RAPGEF4: variants seen among roughly 807,000 people sequenced by gnomAD.
RAPGEF4 encodes the protein RAP guanine-nucleotide-exchange factor (GEF) 4.
Under a neutral mutation model 147.9 loss-of-function variants are expected in RAPGEF4, and 66 were observed. That is an observed-to-expected ratio of 0.45 (90% CI 0.37 to 0.55). RAPGEF4 has a LOEUF of 0.55. Ranked by LOEUF, RAPGEF4 falls within the 20% of genes least tolerant of loss-of-function variation. The probability of loss-of-function intolerance (pLI) is 0.00; values close to 1 mark genes in which losing one functional copy is unlikely to be tolerated. For synonymous variants in RAPGEF4, 419 were observed against 442.7 expected, an observed-to-expected ratio of 0.95 and a Z score of 0.67; for missense variants, 1,071 against 1,257.3, an observed-to-expected ratio of 0.85 and a Z score of 2.24.
At chr2:172,801,567 C>T (rs190522709) in intron 3 of RAPGEF4, among the ~76,000 whole-genome samples, 1 of 152,254 alleles carries the variant, frequency 6.6e-6, no homozygotes, top group African/African-American at 2.4e-5. Context: ...AGCATTATCC[C>T]ACCAGCACTC....
chr2:172,800,311 T>G (rs1686840898), intron 3 of RAPGEF4, among the ~76,000 whole-genome samples: 1 of 152,160 alleles, frequency 6.6e-6, no homozygotes, highest in Non-Finnish European at 1.5e-5. Flanking sequence ...TCCAGCCAGT[T>G]CTGAAGGTAG....
chr2:172,774,624 G>A (rs2149495111), intron 1 of RAPGEF4, among the ~76,000 whole-genome samples: 1 of 152,308 alleles, frequency 6.6e-6, no homozygotes, highest in African/African-American at 2.4e-5. Context: ...TCTCTATGAA[G>A]CCTTCTCTAC....
At chr2:173,033,887 C>T (rs374224325) in intron 26 of RAPGEF4, 27 bp from the exon 27 acceptor site, 31 of 1,605,646 alleles carry the variant, frequency 1.9e-5, no homozygotes, top group South Asian at 4.4e-5. Context: ...CTGACATATG[C>T]GTGTGGCATT....
At chr2:172,957,037 G>A (rs79640233) in intron 6 of RAPGEF4, among the ~76,000 whole-genome samples, 2 of 152,322 alleles carry the variant, frequency 1.3e-5, no homozygotes, top group Non-Finnish European at 2.9e-5. Flanking sequence ...ACACTGGAGT[G>A]AAATAGACCT....
intron 4 of RAPGEF4, among the ~76,000 whole-genome samples, chr2:172,834,616 T>A (rs1166083646): frequency 6.6e-6 from 1 of 152,236 alleles, no homozygotes; most frequent in African/African-American, 2.4e-5. Context: ...TTTTTCTTCT[T>A]CTTCTTCTTC....
rs1184930392 is a variant in RAPGEF4 at position 172,965,667 on chromosome 2, T to C, written c.804T>C (p.Asp268=). The C allele has an allele frequency of 1.2e-6, 2 of 1,614,050 alleles. No homozygotes were observed. Among genetic ancestry groups the C allele is most frequent in the East Asian group, 2.2e-5 (1 of 44,888 alleles). ...GCATGTGGCAAGTCCTGTTAGAAGA[T>C]GGTGTTCTCAACCACGGTAAGATGA... ...AVGMWQVLLE[D]GVLNHVDQEH... The change falls in exon 9 of 31, where the codon GAT becomes GAC. Residue 268 remains aspartate (D), a synonymous_variant. Coordinates refer to ENST00000397081, the MANE Select transcript of RAPGEF4 (RefSeq NM_007023.4).
intron 3 of RAPGEF4, among the ~76,000 whole-genome samples, chr2:172,803,246 C>T (rs1302557595): frequency 6.6e-6 from 1 of 152,192 alleles, no homozygotes; most frequent in Non-Finnish European, 1.5e-5. Flanking sequence ...TCCATGAAAG[C>T]CCTGCAGCAA....
rs188369195 is a variant in RAPGEF4 at position 172,878,606 on chromosome 2, G to T, written c.445-39196G>T. On this transcript the variant is annotated intron_variant, in intron 4 of 30. Transcript: ENST00000397081. Reference sequence around the variant, plus strand: ...GCCATCAGAACTTTATTCTTTTGGAGAATGAAGGCAGGTAAAGTAGACAGA... The same window carrying T: ...GCCATCAGAACTTTATTCTTTTGGATAATGAAGGCAGGTAAAGTAGACAGA... 8.5e-5 allele frequency among the ~76,000 whole-genome samples: 13 copies of T among 152,272 alleles called. No individual in the cohort carries two copies. In the East Asian group the frequency reaches 2.3e-3, roughly 27 times the overall value.
At chr2:172,966,210 A>G (rs565368836) in intron 9 of RAPGEF4, among the ~76,000 whole-genome samples, 2 of 152,222 alleles carry the variant, frequency 1.3e-5, no homozygotes, top group South Asian at 2.1e-4. Context: ...CTGTAATTGA[A>G]CAGAGTAGCT....
chr2:173,031,915 G>A (rs756278225), intron 26 of RAPGEF4, among the ~76,000 whole-genome samples: 22 of 152,020 alleles, frequency 1.4e-4, no homozygotes, highest in Non-Finnish European at 2.5e-4. Context: ...TGCACTTGCC[G>A]AGAAAACCTC....
Position 172,875,712 on chromosome 2 carries a change from G to A in RAPGEF4, c.445-42090G>A, listed in dbSNP as rs189362533. Among the ~76,000 whole-genome samples the A allele has an allele frequency of 4.7e-3, 711 of 152,264 alleles. 1 individual carries two copies. The highest frequency in any genetic ancestry group is 7.3e-3 in the Non-Finnish European group (499 of 68,012). On this transcript the variant is annotated intron_variant, in intron 4 of 30. Coordinates refer to ENST00000397081, the MANE Select transcript of RAPGEF4 (RefSeq NM_007023.4). ...CTCCAGCTTTGTTCTTTTTGCTTAG[G>A]ATTGTCTTGGCAATGTGGGCTATTT... is the stretch of plus-strand genomic sequence containing the variant.
chr2:172,849,665 T>C (rs962710269), intron 4 of RAPGEF4, among the ~76,000 whole-genome samples: 1 of 152,236 alleles, frequency 6.6e-6, no homozygotes, highest in African/African-American at 2.4e-5. Context: ...TGCCCTTTTC[T>C]GTCCTTTCTC....
intron 5 of RAPGEF4, among the ~76,000 whole-genome samples, chr2:172,921,666 C>T (rs535326293): frequency 3.3e-5 from 5 of 152,198 alleles, no homozygotes; most frequent in Non-Finnish European, 5.9e-5. Flanking sequence ...GTAGTAGATA[C>T]TCATGAAATG....
At chr2:172,748,998 C>T (rs528867977) in intron 1 of RAPGEF4, among the ~76,000 whole-genome samples, 45 of 152,350 alleles carry the variant, frequency 3.0e-4, no homozygotes, top group African/African-American at 8.4e-4. Flanking sequence ...ATCCAGGTCA[C>T]GCTGATGCAA....
Position 173,033,941 on chromosome 2 carries a change from T to C in RAPGEF4, c.2677T>C (p.Tyr893His). Residue 893 changes from tyrosine to histidine, a missense_variant, in exon 27 of 31, where the codon TAT becomes CAT. By Grantham distance (83) the Tyr-to-His change is moderately conservative. Transcript: ENST00000397081. ...EKLPSKFKKF[Y>H]AEFESLMDPS... is the part of the protein sequence containing the mutation. ...ACTGCCAAGCAAGTTCAAGAAGTTC[T>C]ATGCGGAGTTTGAAAGTTTAATGGT... 1 of 1,613,216 alleles carries C rather than the reference T, an allele frequency of 6.2e-7. No individual in the cohort carries two copies. Among genetic ancestry groups the C allele is most frequent in the Non-Finnish European group, 8.5e-7 (1 of 1,179,780 alleles).
chr2:173,041,372 T>C lies in RAPGEF4; in HGVS notation c.2853+4680T>C, dbSNP rs567085060. ...TACTTTGAGAGTTTACATCTTTGTA[T>C]AGATTTCCCAGGCCAGGCTAAATGC... On this transcript the variant is annotated intron_variant, in intron 29 of 30. Transcript: ENST00000397081. 1.3e-4 allele frequency among the ~76,000 whole-genome samples: 20 copies of C among 152,298 alleles called. 1 individual carries two copies. The South Asian group carries it at 1.9e-3, about 14-fold the overall frequency.
chr2:172,954,704 A>AT (rs1170048415), intron 6 of RAPGEF4, among the ~76,000 whole-genome samples: 7 of 152,224 alleles, frequency 4.6e-5, no homozygotes, highest in Non-Finnish European at 8.8e-5. Context: ...TCTTAGTTAT[A>AT]TTATTCCAAA....
chr2:172,838,885 T>C (rs774221285), intron 4 of RAPGEF4, among the ~76,000 whole-genome samples: 3 of 152,244 alleles, frequency 2.0e-5, no homozygotes, highest in Middle Eastern at 3.4e-3. Context: ...AACCATATGT[T>C]GTTCTTTACT....
chr2:172,928,483 T>C (rs115124904), intron 6 of RAPGEF4: 2,865 of 239,610 alleles, frequency 0.012, 106 homozygotes, highest in African/African-American at 0.061. Flanking sequence ...TTGAATGTCC[T>C]GGACATTGTT....
Sources: gnomAD v4.1 joint callset for allele counts (sites outside exome capture counted in the v4.1 genomes callset) on GRCh38, gnomAD v4.1.1 for gene constraint, MANE v1.5 for transcripts, NCBI Gene and HGNC (gene_info 2026-07-23, HGNC 2026-07-21) for gene names.